Variants in JAK2 observed in about 807,000 individuals in gnomAD.
The protein encoded by JAK2 is tyrosine-protein kinase JAK2.
A neutral mutation model predicts 139.3 loss-of-function variants in JAK2; 86 were observed. The ratio of observed to expected loss-of-function variants is 0.62; its 90% confidence interval spans 0.52 to 0.74. JAK2 has a LOEUF of 0.74. Ranked by LOEUF, JAK2 falls within the 30% of genes least tolerant of loss-of-function variation. The probability of loss-of-function intolerance (pLI) is 0.00; values close to 1 mark genes in which losing one functional copy is unlikely to be tolerated. For missense variants in JAK2, 1,421 were observed against 1,360.3 expected (o/e 1.04, Z -0.70); for synonymous variants, 490 against 437.7 (o/e 1.12, Z -1.49).
intron 7 of JAK2, 54 bp from the exon 8 acceptor site, chr9:5,055,615 A>G: frequency 7.2e-7 from 1 of 1,389,706 alleles, no homozygotes; most frequent in Non-Finnish European, 9.9e-7. Context: ...GTCTTGTTTT[A>G]AAATGGCTCT....
intron 3 of JAK2, among the ~76,000 whole-genome samples, chr9:5,027,164 C>A (rs147196614): frequency 4.6e-5 from 7 of 152,298 alleles, no homozygotes; most frequent in African/African-American, 1.4e-4. Flanking sequence ...TTAAAAATAT[C>A]TGCTTGAAAG....
At chr9:5,085,246 G>T in intron 19 of JAK2, 2 of 674,584 alleles carry the variant, frequency 3.0e-6, no homozygotes, top group Non-Finnish European at 5.7e-6. Context: ...AGGACCAGTG[G>T]CTAACCTGAG....
At chr9:5,085,702 G>T in intron 19 of JAK2, 1 of 748,322 alleles carries the variant, frequency 1.3e-6, no homozygotes, top group South Asian at 1.4e-5. Flanking sequence ...TCGTGAACAA[G>T]ACTAGCAGTG....
intron 2 of JAK2, among the ~76,000 whole-genome samples, chr9:5,006,147 G>C (rs551773226): frequency 7.2e-5 from 11 of 152,220 alleles, no homozygotes; most frequent in East Asian, 5.8e-4. Flanking sequence ...TCTTCCATTT[G>C]TTTGTATCCT....
chr9:5,047,850 C>T (rs1817125335), intron 5 of JAK2, among the ~76,000 whole-genome samples: 1 of 152,056 alleles, frequency 6.6e-6, no homozygotes, highest in Admixed American at 6.6e-5. Flanking sequence ...ATCCTCCTAC[C>T]TCAGCCTCCC....
chr9:4,996,621 A>T (rs955676111), intron 2 of JAK2, among the ~76,000 whole-genome samples: 1 of 151,696 alleles, frequency 6.6e-6, no homozygotes, highest in Non-Finnish European at 1.5e-5. Context: ...ATTGCATCAG[A>T]TCTTCAGTTG....
At chr9:5,095,429 T>C (rs1348361241) in intron 22 of JAK2, among the ~76,000 whole-genome samples, 1 of 152,178 alleles carries the variant, frequency 6.6e-6, no homozygotes, top group African/African-American at 2.4e-5. Flanking sequence ...ACTGCATCTA[T>C]AATTCTCATG....
intron 4 of JAK2, among the ~76,000 whole-genome samples, chr9:5,042,124 CTTTTTTTTTTTTT>C (rs71326152): frequency 1.9e-5 from 2 of 107,610 alleles, no homozygotes; most frequent in African/African-American, 7.7e-5. Flanking sequence ...GCCAAAATTT[CTTTTTTTTTTTTT>C]TTTTTTTTTT....
rs914928611 is a variant in JAK2 at position 5,129,275 on chromosome 9, G to A, written c.*2484G>A. 6.6e-6 allele frequency among the ~76,000 whole-genome samples: 1 copy of A among 152,046 alleles called. No individual in the cohort carries two copies. The highest frequency in any genetic ancestry group is 2.1e-4 in the South Asian group (1 of 4,828). ...GCTCCCCCTAAATTGAAATAGTGAT[G>A]TAGTAAATATTCAGAAGCGATTTTC... On this transcript the variant is annotated 3_prime_UTR_variant, in exon 25 of 25. Coordinates refer to ENST00000381652, the MANE Select transcript of JAK2 (RefSeq NM_004972.4).
rs78786536 is a variant in JAK2 at position 5,047,600 on chromosome 9, T to A, written c.468+3080T>A. Among the ~76,000 whole-genome samples, 24 of 152,324 alleles carry A rather than the reference T, an allele frequency of 1.6e-4. No individual in the cohort carries two copies. In the East Asian group the frequency reaches 1.7e-3, roughly 11 times the overall value. On this transcript the variant is annotated intron_variant, in intron 5 of 24. Transcript: ENST00000381652. ...TTCCCTGGCTAATGAAGATGTAAAT[T>A]TCTTAAGTTCAAATTTTGTCAGCTA...
chr9:5,021,396 G>A (rs1306839744), intron 2 of JAK2, among the ~76,000 whole-genome samples: 2 of 152,098 alleles, frequency 1.3e-5, no homozygotes, highest in East Asian at 1.9e-4. Flanking sequence ...ATGCTTGTTT[G>A]TTCATGTTAG....
At chr9:5,042,153 C>T (rs1168884900) in intron 4 of JAK2, among the ~76,000 whole-genome samples, 4 of 124,926 alleles carry the variant, frequency 3.2e-5, no homozygotes, top group African/African-American at 1.3e-4. Flanking sequence ...TTTTTTGAGA[C>T]GGAGTCTCGC....
intron 22 of JAK2, among the ~76,000 whole-genome samples, chr9:5,116,201 A>C (rs757032749): frequency 4.6e-5 from 7 of 152,176 alleles, no homozygotes; most frequent in Non-Finnish European, 7.3e-5. Flanking sequence ...GGAGAACTGA[A>C]TAGCTTACCC....
chr9:5,007,801 C>A (rs996022780), intron 2 of JAK2, among the ~76,000 whole-genome samples: 2 of 151,680 alleles, frequency 1.3e-5, no homozygotes, highest in African/African-American at 4.8e-5. Flanking sequence ...AGCCTTGGCT[C>A]ACTGCAATCT....
At chr9:5,043,003 G>A (rs947589920) in intron 4 of JAK2, among the ~76,000 whole-genome samples, 1 of 152,212 alleles carries the variant, frequency 6.6e-6, no homozygotes, top group African/African-American at 2.4e-5. Flanking sequence ...GGGCCGGCTG[G>A]CGTCGCGCGG....
At position 5,090,501 on chromosome 9, in the gene JAK2, C is replaced by T; in HGVS notation, c.2817C>T (p.Asp939=). ...MEYLPYGSLR[D]YLQKHKERID... is the part of the protein sequence containing the mutation. ...ATTTACCATATGGAAGTTTACGAGA[C>T]TATCTTCAAAAACATAAAGAACGGA... The change falls in exon 21 of 25, where the codon GAC becomes GAT. Residue 939 remains aspartate, a synonymous_variant. Transcript: ENST00000381652. 6.3e-7 allele frequency: 1 copy of T among 1,589,848 alleles called. No homozygotes were observed. Among genetic ancestry groups the T allele is most frequent in the Non-Finnish European group, 8.6e-7 (1 of 1,167,530 alleles).
intron 22 of JAK2, among the ~76,000 whole-genome samples, chr9:5,115,391 C>A (rs1175492204): frequency 6.6e-6 from 1 of 152,100 alleles, no homozygotes; most frequent in African/African-American, 2.4e-5. Context: ...GAATGGCGAT[C>A]ATTAAAAAGT....
Position 5,081,765 on chromosome 9 carries a change from G to A in JAK2, c.2475G>A (p.Met825Ile). 1 of 1,601,782 alleles carries A rather than the reference G, an allele frequency of 6.2e-7. No individual in the cohort carries two copies. Among genetic ancestry groups the A allele is most frequent in the Non-Finnish European group, 8.6e-7 (1 of 1,168,906 alleles). Residue 825 changes from methionine (M) to isoleucine (I), a missense_variant, in exon 19 of 25, where the codon ATG (methionine) becomes ATA (isoleucine). Met to Ile is a conservative substitution (Grantham distance 10, BLOSUM62 1). Transcript: ENST00000381652. ...CAGAAAATGACATGTTACCAAATATGAGGATAGGTGCCCTGGGGTTTTCTG... is the reference window on the plus strand; with the variant it reads ...CAGAAAATGACATGTTACCAAATATAAGGATAGGTGCCCTGGGGTTTTCTG... ...LLTENDMLPN[M>I]RIGALGFSGA...
At chr9:5,038,176 C>T (rs1039041970) in intron 4 of JAK2, among the ~76,000 whole-genome samples, 16 of 151,858 alleles carry the variant, frequency 1.1e-4, no homozygotes, top group African/African-American at 3.9e-4. Context: ...GTTTTTAATG[C>T]CAACAAATTA....
Sources: allele counts gnomAD v4.1 joint callset (sites outside exome capture counted in the v4.1 genomes callset), GRCh38; gene constraint gnomAD v4.1.1; transcripts MANE v1.5; gene names NCBI Gene and HGNC (gene_info 2026-07-23, HGNC 2026-07-21).